Variants in LCOR observed in about 807,000 individuals in gnomAD.
LCOR encodes ligand-dependent corepressor.
In LCOR, 14 loss-of-function variants were observed where a neutral mutation model predicts 64.4. The ratio of observed to expected loss-of-function variants is 0.22; its 90% confidence interval spans 0.14 to 0.34. The LOEUF (loss-of-function observed/expected upper bound fraction) is 0.34. LCOR is among the 10% of genes least tolerant of loss of function. The pLI is 1.00. For missense variants in LCOR, 1,686 were observed against 1,765.3 expected (o/e 0.96, Z 0.80); for synonymous variants, 643 against 642.5 (o/e 1.00, Z -0.01).
intron 5 of LCOR, among the ~76,000 whole-genome samples, chr10:96,947,629 G>A (rs1401480765): frequency 1.3e-5 from 2 of 152,150 alleles, no homozygotes; most frequent in East Asian, 3.9e-4. Flanking sequence ...GGGAAGCAAA[G>A]GTCACAGGTA....
intron 2 of LCOR, among the ~76,000 whole-genome samples, chr10:96,854,327 TTTTCA>T (rs1319553417): frequency 2.0e-5 from 3 of 151,958 alleles, no homozygotes; most frequent in African/African-American, 7.3e-5. Context: ...AAAGCATCAG[TTTTCA>T]TTTCTTTGTT....
intron 4 of LCOR, among the ~76,000 whole-genome samples, chr10:96,939,662 T>G (rs987663397): frequency 6.6e-6 from 1 of 152,146 alleles, no homozygotes; most frequent in Non-Finnish European, 1.5e-5. Flanking sequence ...AACGACTCAA[T>G]AAAAAATGAG....
chr10:96,909,244 T>G (rs1044893851), intron 4 of LCOR, among the ~76,000 whole-genome samples: 5 of 152,210 alleles, frequency 3.3e-5, no homozygotes, highest in African/African-American at 1.2e-4. Flanking sequence ...TCTCATTGTC[T>G]TCTGGATTCA....
In LCOR at chr10:96,928,536, A is replaced by G. The variant is rs532097980; in HGVS notation, c.-183-15577A>G. 2.0e-5 allele frequency among the ~76,000 whole-genome samples: 3 copies of G among 152,292 alleles called. No homozygotes were observed. The South Asian group carries it at 6.2e-4, about 32-fold the overall frequency. ...TTCAAGTTCTCTTACCATTTCCACC[A>G]TATCTGCAGGTCCTTCCTCCACTGA... On this transcript the variant is annotated intron_variant, in intron 4 of 7. Transcript: ENST00000421806.
At chr10:96,878,761 ATTGTG>A (rs1846212060) in intron 2 of LCOR, among the ~76,000 whole-genome samples, 1 of 151,774 alleles carries the variant, frequency 6.6e-6, no homozygotes. Flanking sequence ...ATGTTTTTGT[ATTGTG>A]TTTTGTTTTG....
In LCOR at chr10:96,863,260, G is replaced by A. The variant is rs1845919185; in HGVS notation, c.-330+29781G>A. On this transcript the variant is annotated intron_variant, in intron 2 of 7. Transcript: ENST00000421806. The stretch of plus-strand genomic sequence containing the variant: ...ACTCTGTTGCTCAGGCTGGAGTGCA[G>A]TGGTGTGCTCTCAGCTCACTGCAAC... Among the ~76,000 whole-genome samples the A allele has an allele frequency of 4.1e-5, 6 of 147,846 alleles. No homozygotes were observed. The South Asian group carries it at 1.3e-3, about 31-fold the overall frequency.
intron 7 of LCOR, chr10:96,955,625 C>T: frequency 6.2e-7 from 1 of 1,614,148 alleles, no homozygotes; most frequent in African/African-American, 1.3e-5. Context: ...GAGACCCTGG[C>T]TCCAAGCAGC....
chr10:96,844,907 G>A lies in LCOR; in HGVS notation c.-330+11428G>A, dbSNP rs1845601265. Reference sequence around the variant, plus strand: ...TTCCCAGAGACCTCAAGGAAGTGTGGGGTGGTGGTGGAGGGGCAAACAGGT... The same window carrying A: ...TTCCCAGAGACCTCAAGGAAGTGTGAGGTGGTGGTGGAGGGGCAAACAGGT... On this transcript the variant is annotated intron_variant, in intron 2 of 7. Coordinates refer to ENST00000421806, the MANE Select transcript of LCOR (RefSeq NM_001346516.2). Among the ~76,000 whole-genome samples, 4 of 152,224 alleles carry A rather than the reference G, an allele frequency of 2.6e-5. No individual in the cohort carries two copies. In the South Asian group the frequency reaches 8.3e-4, roughly 32 times the overall value.
At chr10:96,896,443 A>G (rs1024839862) in intron 2 of LCOR, among the ~76,000 whole-genome samples, 1 of 151,856 alleles carries the variant, frequency 6.6e-6, no homozygotes, top group Non-Finnish European at 1.5e-5. Flanking sequence ...TGTTTTTTTG[A>G]GACAGATTCT....
At chr10:96,865,646 G>T (rs181844518) in intron 2 of LCOR, among the ~76,000 whole-genome samples, 1 of 152,086 alleles carries the variant, frequency 6.6e-6, no homozygotes, top group Non-Finnish European at 1.5e-5. Context: ...AGGCTGAGGT[G>T]GGCGGATCAC....
chr10:96,835,339 A>C (rs1332447048), intron 2 of LCOR, among the ~76,000 whole-genome samples: 2 of 152,218 alleles, frequency 1.3e-5, no homozygotes, highest in African/African-American at 4.8e-5. Context: ...TTTAACTCCA[A>C]ATTTCCACTT....
chr10:96,904,556 C>T (rs984505409), intron 2 of LCOR, among the ~76,000 whole-genome samples: 3 of 152,082 alleles, frequency 2.0e-5, no homozygotes, highest in African/African-American at 7.2e-5. Flanking sequence ...TAGAGCTCAA[C>T]CTTGAGACTA....
At chr10:96,843,298 T>C (rs1845572712) in intron 2 of LCOR, among the ~76,000 whole-genome samples, 1 of 152,088 alleles carries the variant, frequency 6.6e-6, no homozygotes, top group Non-Finnish European at 1.5e-5. Flanking sequence ...CTAGTTTTTG[T>C]TTTGTTTTGT....
intron 4 of LCOR, among the ~76,000 whole-genome samples, chr10:96,941,464 C>T (rs1342826969): frequency 7.3e-6 from 1 of 137,742 alleles, no homozygotes; most frequent in Admixed American, 7.0e-5. Flanking sequence ...CAGAGGGGCT[C>T]CTCACTTCCC....
intron 7 of LCOR, among the ~76,000 whole-genome samples, chr10:96,953,579 A>T (rs1847718209): frequency 6.6e-6 from 1 of 152,110 alleles, no homozygotes; most frequent in African/African-American, 2.4e-5. Context: ...AACAAAAAAC[A>T]CTTGAGTTGT....
chr10:96,847,726 A>G lies in LCOR; in HGVS notation c.-330+14247A>G, dbSNP rs144020952. Among the ~76,000 whole-genome samples the G allele has an allele frequency of 3.3e-3, 501 of 152,234 alleles. 3 individuals carry two copies. Among genetic ancestry groups the G allele is most frequent in the African/African-American group, 0.012 (482 of 41,532 alleles). ...CAAAGTGGTGGGATTACAGGCGTGA[A>G]CCACCCCTCCCAGCCTGGTCAAAAG... On this transcript the variant is annotated intron_variant, in intron 2 of 7. Coordinates refer to ENST00000421806, the MANE Select transcript of LCOR (RefSeq NM_001346516.2).
chr10:96,995,016 A>C lies in LCOR; in HGVS notation c.*9882A>C, dbSNP rs1848231201. ...CTAGCATGAATGCCTTTGAGGGGCC[A>C]GGGGGCCATAGGAGGCCCATGCAAT... On this transcript the variant is annotated 3_prime_UTR_variant, in exon 8 of 8. Transcript: ENST00000421806. This position sits in a 1 kb window ranked among gnomAD's most constrained non-coding sequence, Gnocchi z 4.2. 1 of 152,258 alleles carries C rather than the reference A, an allele frequency of 6.6e-6. No homozygotes were observed. Among genetic ancestry groups the C allele is most frequent in the Non-Finnish European group, 1.5e-5 (1 of 68,056 alleles). The allele number at this position is 152,258 out of a possible 1,614,324, so 9.4% of individuals were successfully genotyped here.
chr10:96,836,637 G>A (rs972681505), intron 2 of LCOR, among the ~76,000 whole-genome samples: 1 of 152,120 alleles, frequency 6.6e-6, no homozygotes, highest in African/African-American at 2.4e-5. Context: ...AAATGCTAGG[G>A]GTGTTTAGAA....
In LCOR at chr10:96,861,545, T is replaced by C. The variant is rs568031459; in HGVS notation, c.-330+28066T>C. On this transcript the variant is annotated intron_variant, in intron 2 of 7. Transcript: ENST00000421806. The stretch of plus-strand genomic sequence containing the variant: ...TAGGTGAGTCTCTTCTCTTCTCTTT[T>C]CTCTTTCTTTTTTTTTGAGACAGGG... Among the ~76,000 whole-genome samples the C allele has an allele frequency of 2.3e-4, 35 of 152,124 alleles. No homozygotes were observed. The South Asian group carries it at 3.5e-3, about 15-fold the overall frequency.
Sources: gnomAD v4.1 joint callset for allele counts (sites outside exome capture counted in the v4.1 genomes callset) on GRCh38, gnomAD v4.1.1 for gene constraint, Gnocchi (gnomAD v3.1) non-coding constraint, MANE v1.5 for transcripts, NCBI Gene and HGNC (gene_info 2026-07-23, HGNC 2026-07-21) for gene names.